Variants in PHACTR1 observed in about 807,000 individuals in gnomAD.
PHACTR1 encodes the protein phosphatase and actin regulator 1.
Under a neutral mutation model 69.2 loss-of-function variants are expected in PHACTR1, and 16 were observed. That is an observed-to-expected ratio of 0.23 (90% confidence interval 0.16 to 0.35). The LOEUF (loss-of-function observed/expected upper bound fraction) is 0.35. Ranked by LOEUF, PHACTR1 falls within the 10% of genes least tolerant of loss-of-function variation. The pLI is 1.00. For missense variants in PHACTR1, 510 were observed against 734.7 expected, an observed-to-expected ratio of 0.69 and a Z score of 3.54; for synonymous variants, 312 against 284.5, an observed-to-expected ratio of 1.10 and a Z score of -0.97.
chr6:12,962,055 T>G (rs557231469), intron 4 of PHACTR1, among the ~76,000 whole-genome samples: 2 of 152,166 alleles, frequency 1.3e-5, no homozygotes, highest in African/African-American at 2.4e-5. Flanking sequence ...CAGCCTTCTG[T>G]GTAGCTGGGA....
At chr6:13,215,412 G>C (rs989579237) in intron 8 of PHACTR1, among the ~76,000 whole-genome samples, 2 of 152,214 alleles carry the variant, frequency 1.3e-5, no homozygotes, top group African/African-American at 4.8e-5. Context: ...GGAATAACCA[G>C]ATGGAGAGGA....
chr6:13,159,714 A>G (rs560365344), intron 5 of PHACTR1, among the ~76,000 whole-genome samples: 2 of 152,304 alleles, frequency 1.3e-5, no homozygotes, highest in Admixed American at 6.5e-5. Flanking sequence ...GGCCAAGGCA[A>G]GTGGATCACG....
chr6:12,936,355 T>C (rs1049462075), intron 4 of PHACTR1, among the ~76,000 whole-genome samples: 54 of 152,340 alleles, frequency 3.5e-4, no homozygotes, highest in African/African-American at 1.3e-3. Flanking sequence ...CACTGAAGTG[T>C]CTGCACACAA....
chr6:12,828,479 T>C (rs1777047137), intron 4 of PHACTR1, among the ~76,000 whole-genome samples: 1 of 152,186 alleles, frequency 6.6e-6, no homozygotes, highest in Non-Finnish European at 1.5e-5. Flanking sequence ...TATGGTGGAA[T>C]TTCTATTCTT....
intron 10 of PHACTR1, among the ~76,000 whole-genome samples, chr6:13,251,511 A>G (rs11757292): frequency 0.08 from 12,159 of 152,154 alleles, 1,020 homozygotes; most frequent in African/African-American, 0.21. Context: ...GTCTGGCCTC[A>G]TATAGGGGAG....
chr6:12,763,322 A>C (rs1768247900), intron 4 of PHACTR1, among the ~76,000 whole-genome samples: 1 of 152,250 alleles, frequency 6.6e-6, no homozygotes, highest in Non-Finnish European at 1.5e-5. Flanking sequence ...CCACAAAAAT[A>C]ATACCAGGTC....
chr6:13,211,436 G>T (rs12665416), intron 8 of PHACTR1, among the ~76,000 whole-genome samples: 22,597 of 151,848 alleles, frequency 0.15, 2,533 homozygotes, highest in African/African-American at 0.29. Flanking sequence ...TCAGGACGCC[G>T]TTTCTTTCTG....
chr6:12,860,297 C>T (rs1194368222), intron 4 of PHACTR1, among the ~76,000 whole-genome samples: 1 of 152,040 alleles, frequency 6.6e-6, no homozygotes, highest in Non-Finnish European at 1.5e-5. Flanking sequence ...TGGTTTCCAG[C>T]TTCATCCATG....
intron 4 of PHACTR1, among the ~76,000 whole-genome samples, chr6:12,949,528 T>G (rs1336256205): frequency 6.6e-6 from 1 of 152,114 alleles, no homozygotes; most frequent in Non-Finnish European, 1.5e-5. Context: ...GAGGTGAGTC[T>G]CTGGAGGCAA....
intron 4 of PHACTR1, among the ~76,000 whole-genome samples, chr6:12,881,194 T>TA (rs745535331): frequency 4.6e-5 from 7 of 152,018 alleles, no homozygotes; most frequent in Non-Finnish European, 8.8e-5. Flanking sequence ...GCGGCAGATG[T>TA]AAAAAAGGAA....
chr6:13,206,026 C>T lies in PHACTR1; in HGVS notation c.876C>T (p.His292=), dbSNP rs567277907. 3.7e-5 allele frequency: 60 copies of T among 1,613,852 alleles called. 1 individual carries two copies. The highest frequency in any genetic ancestry group is 3.6e-4 in the South Asian group (33 of 91,088). ...AGCACCAGCTGCAGTACGGCAGCCA[C>T]GGCCAGCACCTCCCCTCCACCACCG... ...QIQHQLQYGS[H]GQHLPSTTGS... The change falls in exon 8 of 15, where the codon CAC becomes CAT. Residue 292 remains histidine (H), a synonymous_variant. Coordinates refer to ENST00000332995, the MANE Select transcript of PHACTR1 (RefSeq NM_030948.6).
At chr6:12,923,474 C>T (rs1787936469) in intron 4 of PHACTR1, among the ~76,000 whole-genome samples, 1 of 152,166 alleles carries the variant, frequency 6.6e-6, no homozygotes, top group South Asian at 2.1e-4. Context: ...TCCTTGACAT[C>T]ATGCATGACT....
intron 5 of PHACTR1, among the ~76,000 whole-genome samples, 166 bp downstream of exon 5, chr6:13,053,695 T>C (rs1463286095): frequency 2.0e-5 from 3 of 152,214 alleles, no homozygotes; most frequent in Non-Finnish European, 4.4e-5. Flanking sequence ...CAAGAATGAC[T>C]TTTATATCCT....
chr6:13,252,054 TAA>T (rs551938563), intron 10 of PHACTR1, among the ~76,000 whole-genome samples: 31 of 134,704 alleles, frequency 2.3e-4, no homozygotes, highest in Non-Finnish European at 2.6e-4. Flanking sequence ...GATCCTGCCT[TAA>T]AAAAAAAAAA....
intron 5 of PHACTR1, among the ~76,000 whole-genome samples, chr6:13,108,190 A>T: frequency 6.6e-6 from 1 of 151,974 alleles, no homozygotes; most frequent in East Asian, 1.9e-4. Context: ...CTATTTTTCA[A>T]ATATTTTTGG....
intron 4 of PHACTR1, among the ~76,000 whole-genome samples, chr6:12,848,870 ACAGT>A (rs1279528259): frequency 6.6e-6 from 1 of 152,134 alleles, no homozygotes; most frequent in Admixed American, 6.5e-5. Context: ...TTAATGGCTG[ACAGT>A]CAAAGGACAT....
chr6:13,283,297 T>C lies in PHACTR1; in HGVS notation c.1510-125T>C, dbSNP rs1584457528. ...CCCTCCCCCTGCCCCTGCCCCTCACTCACTATGCGATGCATCCATCGCCTC... is the reference window on the plus strand; with the variant it reads ...CCCTCCCCCTGCCCCTGCCCCTCACCCACTATGCGATGCATCCATCGCCTC... On this transcript the variant is annotated intron_variant, in intron 12 of 14. Coordinates refer to ENST00000332995, the MANE Select transcript of PHACTR1 (RefSeq NM_030948.6). The surrounding 1 kb of genome is among the most constrained non-coding windows in gnomAD (Gnocchi z 4.7). 5 of 456,314 alleles carry C rather than the reference T, an allele frequency of 1.1e-5. No homozygotes were observed. The highest frequency in any genetic ancestry group is 7.5e-5 in the South Asian group (4 of 53,060). 28.3% of individuals were successfully genotyped at this position (456,314 alleles called of 1,614,324 possible). A position where few individuals can be genotyped will look rare whatever the true frequency, so the allele number is the denominator to read the frequency against.
At chr6:13,219,730 T>C (rs1768299321) in intron 8 of PHACTR1, among the ~76,000 whole-genome samples, 1 of 152,212 alleles carries the variant, frequency 6.6e-6, no homozygotes. Context: ...GCAAAATTCA[T>C]AGCAAGAGAG....
chr6:13,286,833 A>G (rs1251283218), intron 14 of PHACTR1, among the ~76,000 whole-genome samples: 4 of 152,228 alleles, frequency 2.6e-5, no homozygotes, highest in Non-Finnish European at 5.9e-5. Context: ...TGGGTTCTGC[A>G]CCTTGCTGCT....
Sources: gnomAD v4.1 joint callset for allele counts (sites outside exome capture counted in the v4.1 genomes callset) on GRCh38, gnomAD v4.1.1 for gene constraint, Gnocchi (gnomAD v3.1) non-coding constraint, MANE v1.5 for transcripts, NCBI Gene and HGNC (gene_info 2026-07-23, HGNC 2026-07-21) for gene names.